Variants in RCC1L observed in about 807,000 individuals in gnomAD.
RCC1L encodes RCC1-like G exchanging factor-like protein.
Under a neutral mutation model 58.6 loss-of-function variants are expected in RCC1L, and 46 were observed. The ratio of observed to expected loss-of-function variants is 0.79; its 90% CI spans 0.62 to 1.00. RCC1L has a LOEUF of 1.00. Ranked by LOEUF, RCC1L falls within the 50% of genes least tolerant of loss-of-function variation. RCC1L has a pLI of 0.00. For missense variants in RCC1L, 636 were observed against 623.6 expected (o/e 1.02, Z -0.21); for synonymous variants, 281 against 262.9 (o/e 1.07, Z -0.67).
intron 10 of RCC1L, among the ~76,000 whole-genome samples, chr7:75,031,836 C>T (rs950839148): frequency 1.3e-4 from 20 of 152,234 alleles, no homozygotes; most frequent in East Asian, 1.2e-3. Flanking sequence ...ATGAGGTTGC[C>T]GTTGTCTGAA....
At chr7:75,064,719 G>C (rs1334052808) in intron 3 of RCC1L, 71 bp from the exon 4 acceptor site, 13 of 1,541,586 alleles carry the variant, frequency 8.4e-6, no homozygotes, top group Non-Finnish European at 1.2e-5. Context: ...GACTGGAAGG[G>C]GTCTCGCTGG....
rs782489539 is a variant in RCC1L, at chr7:75,066,700, G to C, written c.547C>G (p.Arg183Gly). The C allele has an allele frequency of 6.2e-7, 1 of 1,613,188 alleles. No homozygotes were observed. Among genetic ancestry groups the C allele is most frequent in the Admixed American group, 1.7e-5 (1 of 59,946 alleles). Residue 183 changes from arginine (R) to glycine (G), a missense_variant, in exon 3 of 11, where the codon CGA becomes GGA. Arg to Gly is a moderately radical substitution (Grantham distance 125). Transcript: ENST00000610322. ...TCAGTCAACACAAGAGAGTGAGCTC[G>C]GCCGCAGGAGACCTGCAGCACCCGT... ...ETRVLQVSCG[R>G]AHSLVLTDRE...
At chr7:75,043,630 AAGGC>A (rs1228702612) in intron 10 of RCC1L, among the ~76,000 whole-genome samples, 1 of 152,048 alleles carries the variant, frequency 6.6e-6, no homozygotes, top group Non-Finnish European at 1.5e-5. Context: ...TTGGGAGGCC[AAGGC>A]AGGCGGATCA....
At chr7:75,073,106 C>A (rs997784958) in intron 1 of RCC1L, among the ~76,000 whole-genome samples, 2 of 152,208 alleles carry the variant, frequency 1.3e-5, no homozygotes, top group African/African-American at 4.8e-5. Flanking sequence ...CAGCTAGCAG[C>A]GGTGGGGCCT....
rs1025965337 is a variant in RCC1L at position 75,044,791 on chromosome 7, C to T, written c.1318-1682G>A. ...GTGGCTCACGCCTGTAATCCCAGCACTTTGGGAGGCCGCGGTGGGCAGGAG... is the reference window on the plus strand; with the variant it reads ...GTGGCTCACGCCTGTAATCCCAGCATTTTGGGAGGCCGCGGTGGGCAGGAG... On this transcript the variant is annotated intron_variant, in intron 10 of 10. Coordinates refer to ENST00000610322, the MANE Select transcript of RCC1L (RefSeq NM_030798.5). Among the ~76,000 whole-genome samples, 17 of 151,780 alleles carry T rather than the reference C, an allele frequency of 1.1e-4. 1 individual carries two copies. In the South Asian group the frequency reaches 3.3e-3, roughly 30 times the overall value.
intron 5 of RCC1L, 130 bp downstream of exon 5, chr7:75,063,159 AGGC>A (rs1806329575): frequency 1.0e-6 from 1 of 992,438 alleles, no homozygotes; most frequent in East Asian, 2.5e-5. Flanking sequence ...TATAGTAAGT[AGGC>A]TACAATTTTT....
intron 8 of RCC1L, chr7:75,056,515 T>C: frequency 6.6e-7 from 1 of 1,505,060 alleles, no homozygotes; most frequent in South Asian, 1.3e-5. Flanking sequence ...AAATGATGTT[T>C]TGGTTATAGA....
intron 6 of RCC1L, 50 bp from the exon 7 acceptor site, chr7:75,058,819 C>T (rs1250969064): frequency 1.2e-6 from 2 of 1,609,196 alleles, no homozygotes; most frequent in Non-Finnish European, 1.7e-6. Context: ...TTTTAACAAA[C>T]ACATAGGCAG....
downstream of RCC1L, among the ~76,000 whole-genome samples, chr7:75,037,287 C>G (rs1233111894): frequency 2.0e-5 from 3 of 152,090 alleles, no homozygotes; most frequent in Non-Finnish European, 4.4e-5. Flanking sequence ...CTGGTTCAAG[C>G]GATTCTCCTG....
At position 75,058,717 on chromosome 7, in the gene RCC1L, C is replaced by G. The variant is rs1479586722; in HGVS notation, c.840G>C (p.Leu280=). The G allele has an allele frequency of 4.3e-6, 7 of 1,613,852 alleles. No individual in the cohort carries two copies. The highest frequency in any genetic ancestry group is 5.9e-6 in the Non-Finnish European group (7 of 1,179,864). Reference sequence around the variant, plus strand: ...CAACTTGGATAACGTTCACTCCCGCCAGGTCTCCACCCAGCTTGGTGGGCG... The same window carrying G: ...CAACTTGGATAACGTTCACTCCCGCGAGGTCTCCACCCAGCTTGGTGGGCG... The part of the protein sequence containing the change: ...TSSPTKLGGD[L]AGVNVIQVAT... The change falls in exon 7 of 11, where the codon CTG becomes CTC. Residue 280 remains leucine (L), a synonymous_variant. Transcript: ENST00000610322.
At chr7:75,030,510 T>G (rs1314472868) in intron 10 of RCC1L, among the ~76,000 whole-genome samples, 1 of 152,126 alleles carries the variant, frequency 6.6e-6, no homozygotes, top group Non-Finnish European at 1.5e-5. Context: ...TTTGAGCAGT[T>G]CTGGCTCAGG....
At chr7:75,027,695 G>A (rs1405457322) in exon 11 of RCC1L, 1 of 372,694 alleles carries the variant, frequency 2.7e-6, no homozygotes, top group African/African-American at 2.2e-5. Flanking sequence ...CGCTCCGTGG[G>A]AGCTGCCCCC....
intron 8 of RCC1L, 126 bp from the exon 9 acceptor site, chr7:75,056,200 T>C (rs1243607814): frequency 2.7e-6 from 3 of 1,104,874 alleles, no homozygotes; most frequent in East Asian, 4.8e-5. Context: ...TTTTTTGTTT[T>C]GTTTTTTTCC....
At chr7:75,031,005 G>A (rs994171925) in intron 10 of RCC1L, among the ~76,000 whole-genome samples, 3 of 152,248 alleles carry the variant, frequency 2.0e-5, no homozygotes, top group Non-Finnish European at 4.4e-5. Flanking sequence ...CAGGTCCCAA[G>A]ACAGGCCAAG....
At chr7:75,041,035 C>A (rs917979235), downstream of RCC1L, among the ~76,000 whole-genome samples, 1 of 151,874 alleles carries the variant, frequency 6.6e-6, no homozygotes, top group African/African-American at 2.4e-5. Context: ...CTGGCCAACA[C>A]GGCAAAACCC....
At chr7:75,028,773 G>A (rs1805215608) in intron 10 of RCC1L, among the ~76,000 whole-genome samples, 1 of 152,126 alleles carries the variant, frequency 6.6e-6, no homozygotes, top group South Asian at 2.1e-4. Flanking sequence ...TCCTTCAAGG[G>A]GCACTGCCCA....
chr7:75,029,138 C>T (rs1482981953), intron 10 of RCC1L, among the ~76,000 whole-genome samples: 1 of 152,160 alleles, frequency 6.6e-6, no homozygotes, highest in African/African-American at 2.4e-5. Flanking sequence ...CTGTTAAAGC[C>T]CAGGGCACTA....
rs1025795083 is a variant in RCC1L at position 75,058,575 on chromosome 7, G to A, written c.969+13C>T. ...CCAAACCTCCCAGCACCACGCTGTC[G>A]GCGACTGCATACCTGTGTGGAGTCA... On this transcript the variant is annotated intron_variant, in intron 7 of 10. Transcript: ENST00000610322. 2.7e-5 allele frequency: 43 copies of A among 1,586,488 alleles called. No individual in the cohort carries two copies. The highest frequency in any genetic ancestry group is 3.3e-5 in the Non-Finnish European group (39 of 1,165,078).
At chr7:75,064,190 C>G (rs913239917) in intron 4 of RCC1L, among the ~76,000 whole-genome samples, 1 of 151,738 alleles carries the variant, frequency 6.6e-6, no homozygotes, top group African/African-American at 2.4e-5. Context: ...ATTAGCCGGG[C>G]CTGCTGGCAC....
Sources: gnomAD v4.1 joint callset for allele counts (sites outside exome capture counted in the v4.1 genomes callset) on GRCh38, gnomAD v4.1.1 for gene constraint, MANE v1.5 for transcripts, NCBI Gene and HGNC (gene_info 2026-07-23, HGNC 2026-07-21) for gene names.